Variants in SORCS1 observed in about 807,000 individuals in gnomAD.
The protein encoded by SORCS1 is VPS10 domain-containing receptor SorCS1.
Under a neutral mutation model 146.1 loss-of-function variants are expected in SORCS1, and 60 were observed. The observed-to-expected ratio is 0.41, with a 90% confidence interval of 0.33 to 0.51. The LOEUF is 0.51. SORCS1 is among the 20% of genes least tolerant of loss of function. The pLI, the probability that SORCS1 is intolerant of heterozygous loss-of-function variation, is 0.21. For synonymous variants in SORCS1, 637 were observed against 584.0 expected, an observed-to-expected ratio of 1.09 and a Z score of -1.31; for missense variants, 1,352 against 1,487.6, an observed-to-expected ratio of 0.91 and a Z score of 1.50.
chr10:106,729,918 C>T, intron 6 of SORCS1, 132 bp downstream of exon 6: 1 of 1,099,760 alleles, frequency 9.1e-7, no homozygotes, highest in Non-Finnish European at 1.3e-6. Context: ...ACCCCTGCAA[C>T]CCCAAATCCT....
At chr10:106,969,342 C>T (rs1279753472) in intron 1 of SORCS1, among the ~76,000 whole-genome samples, 1 of 152,178 alleles carries the variant, frequency 6.6e-6, no homozygotes, top group East Asian at 1.9e-4. Context: ...CACCTCATTT[C>T]ACAAATAGTG....
At chr10:106,680,065 G>C (rs918275116) in intron 10 of SORCS1, among the ~76,000 whole-genome samples, 1 of 152,130 alleles carries the variant, frequency 6.6e-6, no homozygotes, top group Non-Finnish European at 1.5e-5. Flanking sequence ...TCTTTTAACA[G>C]CCATAAAAAA....
At chr10:106,695,619 C>G (rs918401183) in intron 9 of SORCS1, among the ~76,000 whole-genome samples, 1 of 152,196 alleles carries the variant, frequency 6.6e-6, no homozygotes, top group African/African-American at 2.4e-5. Context: ...AATGTATGTA[C>G]TGAATGGGAG....
intron 1 of SORCS1, among the ~76,000 whole-genome samples, chr10:107,149,115 G>T (rs1268606752): frequency 6.6e-6 from 1 of 152,176 alleles, no homozygotes; most frequent in Non-Finnish European, 1.5e-5. Flanking sequence ...TCACTGGCTG[G>T]TAAGCCAGCC....
intron 1 of SORCS1, among the ~76,000 whole-genome samples, chr10:107,010,431 A>AC (rs1554915783): frequency 1.1e-5 from 1 of 87,842 alleles, no homozygotes; most frequent in Non-Finnish European, 3.4e-5. Context: ...GCATAACTTT[A>AC]TTTTTTTTGT....
intron 2 of SORCS1, among the ~76,000 whole-genome samples, chr10:106,883,857 G>A (rs1042056716): frequency 5.3e-4 from 80 of 152,206 alleles, no homozygotes; most frequent in African/African-American, 1.9e-3. Context: ...TTCATACAGT[G>A]TCACAGCAGG....
intron 2 of SORCS1, 61 bp from the exon 3 acceptor site, chr10:106,829,734 T>C (rs1948459006): frequency 7.9e-7 from 1 of 1,261,286 alleles, no homozygotes; most frequent in South Asian, 1.3e-5. Flanking sequence ...TGCTTGTCAG[T>C]ATAATGCATG....
intron 5 of SORCS1, among the ~76,000 whole-genome samples, chr10:106,742,739 A>G (rs1258600862): frequency 6.6e-6 from 1 of 152,102 alleles, no homozygotes; most frequent in Non-Finnish European, 1.5e-5. Flanking sequence ...CTGCATTTCG[A>G]CCAGAACCCA....
chr10:106,956,451 C>A (rs1177283511), intron 2 of SORCS1, 62 bp downstream of exon 2: 1 of 1,477,646 alleles, frequency 6.8e-7, no homozygotes, highest in African/African-American at 1.4e-5. Flanking sequence ...GTGGGTGGGA[C>A]AGCAGTAGCA....
chr10:107,169,970 A>C, the SORCS1 span, among the ~76,000 whole-genome samples: 1 of 152,124 alleles, frequency 6.6e-6, no homozygotes, highest in African/African-American at 2.4e-5. Context: ...CATTATGTAA[A>C]CTCACATATG....
intron 1 of SORCS1, among the ~76,000 whole-genome samples, chr10:107,090,126 T>C (rs916405971): frequency 9.2e-5 from 14 of 152,210 alleles, no homozygotes; most frequent in African/African-American, 3.4e-4. Flanking sequence ...CTCTCTGGGA[T>C]GAACCAGCCT....
At chr10:106,902,534 C>T (rs1226027522) in intron 2 of SORCS1, among the ~76,000 whole-genome samples, 2 of 151,928 alleles carry the variant, frequency 1.3e-5, no homozygotes, top group South Asian at 2.1e-4. Flanking sequence ...AAAAAATGCA[C>T]GGCTTATAAT....
chr10:106,905,183 C>T (rs192441257), intron 2 of SORCS1, among the ~76,000 whole-genome samples: 158 of 151,962 alleles, frequency 1.0e-3, no homozygotes, highest in African/African-American at 3.6e-3. Context: ...AAGAAAAATA[C>T]CAAATTGCTA....
chr10:106,754,985 T>C (rs1302908016), intron 5 of SORCS1, among the ~76,000 whole-genome samples: 3 of 152,230 alleles, frequency 2.0e-5, no homozygotes, highest in Non-Finnish European at 4.4e-5. Context: ...GATTGCATTG[T>C]CTTTTGCATA....
At chr10:106,849,956 G>C (rs1170478009) in intron 2 of SORCS1, among the ~76,000 whole-genome samples, 1 of 152,138 alleles carries the variant, frequency 6.6e-6, no homozygotes, top group Non-Finnish European at 1.5e-5. Context: ...CAGATCTCCA[G>C]CTGCGTGCTG....
At chr10:106,970,562 G>C (rs1955733714) in intron 1 of SORCS1, among the ~76,000 whole-genome samples, 2 of 151,626 alleles carry the variant, frequency 1.3e-5, no homozygotes, top group Non-Finnish European at 2.9e-5. Flanking sequence ...GGCTGGTCTT[G>C]GACTCCTGAT....
chr10:107,171,692 T>A, the SORCS1 span, among the ~76,000 whole-genome samples: 7 of 152,038 alleles, frequency 4.6e-5, no homozygotes. Context: ...ATTTTTGTAG[T>A]TTTAGTAGAG....
intron 1 of SORCS1, among the ~76,000 whole-genome samples, chr10:107,136,021 G>A (rs902886054): frequency 6.6e-6 from 1 of 151,728 alleles, no homozygotes; most frequent in African/African-American, 2.4e-5. Flanking sequence ...CTATGATCCT[G>A]TTTTCAAATA....
chr10:107,181,019 C>T, the SORCS1 span, among the ~76,000 whole-genome samples: 1 of 152,156 alleles, frequency 6.6e-6, no homozygotes, highest in Admixed American at 6.5e-5. Flanking sequence ...AGTAAAAATA[C>T]TGTATAAAAT....
Sources: gnomAD v4.1 joint callset for allele counts (sites outside exome capture counted in the v4.1 genomes callset) on GRCh38, gnomAD v4.1.1 for gene constraint, MANE v1.5 for transcripts, NCBI Gene and HGNC (gene_info 2026-07-23, HGNC 2026-07-21) for gene names.